The following QSER1 variants were observed in gnomAD, a reference collection of about 807,000 sequenced individuals.
The protein encoded by QSER1 is glutamine and serine-rich protein 1.
In QSER1, 49 loss-of-function variants were observed where a neutral mutation model predicts 158.5. That is an observed-to-expected ratio of 0.31 (90% CI 0.25 to 0.39). The LOEUF (loss-of-function observed/expected upper bound fraction) is 0.39, where lower values mean the gene tolerates loss of function less well. QSER1 is among the 10% of genes least tolerant of loss of function. The pLI, the probability that QSER1 is intolerant of heterozygous loss-of-function variation, is 1.00. For missense variants in QSER1, 1,754 were observed against 2,010.3 expected, an observed-to-expected ratio of 0.87 and a Z score of 2.44; for synonymous variants, 650 against 715.5, an observed-to-expected ratio of 0.91 and a Z score of 1.46.
At chr11:32,964,545 C>T (rs913013065) in intron 8 of QSER1, among the ~76,000 whole-genome samples, 1 of 151,802 alleles carries the variant, frequency 6.6e-6, no homozygotes, top group Non-Finnish European at 1.5e-5. Context: ...GGTACAGTTA[C>T]TTTAACAGCT....
In QSER1 at chr11:32,893,862, G is replaced by T. The variant is rs1398627963; in HGVS notation, c.209+528G>T. ...GGCTGGGCTACGGGAGAATCCCCGG[G>T]GCGCAGGGCAGAAGAGGGGGCCCGG... On this transcript the variant is annotated intron_variant, in intron 1 of 12. Coordinates refer to ENST00000650167, the MANE Select transcript of QSER1 (RefSeq NM_001076786.3). The surrounding 1 kb of genome is among the most constrained non-coding windows in gnomAD (Gnocchi z 4.7). Among the ~76,000 whole-genome samples, 1 of 152,198 alleles carries T rather than the reference G, an allele frequency of 6.6e-6. No homozygotes were observed. The highest frequency in any genetic ancestry group is 1.5e-5 in the Non-Finnish European group (1 of 68,032).
intron 11 of QSER1, among the ~76,000 whole-genome samples, chr11:32,974,513 A>C (rs888340085): frequency 6.6e-6 from 1 of 152,204 alleles, no homozygotes; most frequent in Non-Finnish European, 1.5e-5. Flanking sequence ...TGTTTGTAAG[A>C]GCAATCCAAT....
chr11:32,901,162 G>A (rs1851620280), intron 1 of QSER1, among the ~76,000 whole-genome samples: 1 of 152,154 alleles, frequency 6.6e-6, no homozygotes, highest in African/African-American at 2.4e-5. Context: ...CTGTGCCTCA[G>A]TTTCCTTATG....
At chr11:32,964,657 A>G (rs1350561231) in intron 8 of QSER1, among the ~76,000 whole-genome samples, 1 of 145,440 alleles carries the variant, frequency 6.9e-6, no homozygotes, top group Admixed American at 7.0e-5. Context: ...TGAGGCTGAG[A>G]GTTCAAGACC....
intron 8 of QSER1, among the ~76,000 whole-genome samples, chr11:32,962,859 A>G (rs1406935859): frequency 6.6e-6 from 1 of 152,174 alleles, no homozygotes; most frequent in Non-Finnish European, 1.5e-5. Context: ...CTCTTAATTT[A>G]TTTTTAAGAA....
Position 32,934,076 on chromosome 11 carries a change from A to G in QSER1, c.2818A>G (p.Thr940Ala), listed in dbSNP as rs751733643. 1 of 1,614,004 alleles carries G rather than the reference A, an allele frequency of 6.2e-7. No homozygotes were observed. ...AAAACCATTACAACAACATCTAACA[A>G]CAAAGGGCCATTTTAGTGAAACAAA... ...SSKPLQQHLT[T>A]KGHFSETNQH... The change falls in exon 4 of 13, where the codon ACA (threonine) becomes GCA (alanine). Residue 940 changes from threonine to alanine, a missense_variant. Physicochemically the swap from Thr to Ala is moderately conservative, Grantham distance 58. Around this residue, in one of 2 missense-constraint regions of QSER1, gnomAD observed 1,707 missense variants for 1,919.6 expected, o/e 0.89. Transcript: ENST00000650167.
chr11:32,914,637 C>T (rs911302460), intron 1 of QSER1, among the ~76,000 whole-genome samples: 1 of 152,094 alleles, frequency 6.6e-6, no homozygotes, highest in Non-Finnish European at 1.5e-5. Context: ...ATTTCTTAAG[C>T]ATCATAAACA....
rs1345511610 is a variant in QSER1 at position 32,906,114 on chromosome 11, T to TG, written c.209+12780_209+12781insG. 2.6e-5 allele frequency among the ~76,000 whole-genome samples: 4 copies of TG among 151,392 alleles called. No individual in the cohort carries two copies. The East Asian group carries it at 7.7e-4, about 29-fold the overall frequency. On this transcript the variant is annotated intron_variant, in intron 1 of 12. Coordinates refer to ENST00000650167, the MANE Select transcript of QSER1 (RefSeq NM_001076786.3). ...AAAGACTATTTTTTAGTTTTTTTTT[T>TG]TTTTTTTTTTAAGTTAAAAAAATTT...
At chr11:32,954,209 C>A in intron 5 of QSER1, 30 bp downstream of exon 5, 1 of 1,587,358 alleles carries the variant, frequency 6.3e-7, no homozygotes, top group South Asian at 1.1e-5. Flanking sequence ...GTGTAAAGGT[C>A]ATAGTTTAGT....
intron 1 of QSER1, among the ~76,000 whole-genome samples, chr11:32,925,502 ATTTATTTAT>A (rs1210712905): frequency 1.0e-5 from 1 of 99,318 alleles, no homozygotes; most frequent in Non-Finnish European, 2.3e-5. Context: ...TTTTTTATTT[ATTTATTTAT>A]TTATTTATTT....
chr11:32,935,487 G>C lies in QSER1; in HGVS notation c.4177+52G>C, dbSNP rs979560260. 3.8e-6 allele frequency: 5 copies of C among 1,328,878 alleles called. No homozygotes were observed. The African/African-American group carries it at 5.9e-5, about 16-fold the overall frequency. The allele number at this position is 1,328,878 out of a possible 1,614,324, so 82.3% of individuals were successfully genotyped here. ...ATTATTACTTTCTTCTATTTTTCCA[G>C]CTATAGCCCACATTTTAAGCTTTTT... On this transcript the variant is annotated intron_variant, in intron 4 of 12. Coordinates refer to ENST00000650167, the MANE Select transcript of QSER1 (RefSeq NM_001076786.3).
chr11:32,948,518 A>G (rs1160849685), intron 4 of QSER1, among the ~76,000 whole-genome samples: 2 of 152,188 alleles, frequency 1.3e-5, no homozygotes, highest in Non-Finnish European at 2.9e-5. Flanking sequence ...CGTCCTAGCT[A>G]ATGTGGAGCC....
At chr11:32,961,049 C>T (rs1043545644) in intron 8 of QSER1, among the ~76,000 whole-genome samples, 6 of 152,076 alleles carry the variant, frequency 3.9e-5, no homozygotes, top group Non-Finnish European at 5.9e-5. Context: ...GAACCCATTA[C>T]TTATTAATGT....
intron 1 of QSER1, among the ~76,000 whole-genome samples, chr11:32,906,194 G>A (rs542672900): frequency 2.4e-4 from 37 of 151,072 alleles, no homozygotes; most frequent in Non-Finnish European, 5.0e-4. Context: ...AGGCTGAGGC[G>A]GGTGGATCAC....
At chr11:32,973,066 G>A (rs901865666) in intron 10 of QSER1, among the ~76,000 whole-genome samples, 2 of 152,234 alleles carry the variant, frequency 1.3e-5, no homozygotes, top group Non-Finnish European at 2.9e-5. Context: ...TCTTGGCCCT[G>A]TTAAGGGTTC....
At chr11:32,950,698 A>G (rs1028417656) in intron 4 of QSER1, among the ~76,000 whole-genome samples, 7 of 152,170 alleles carry the variant, frequency 4.6e-5, no homozygotes, top group African/African-American at 1.7e-4. Flanking sequence ...ACACCCAGCT[A>G]TAGGCAACCA....
At chr11:32,966,233 A>AT (rs1412779125) in intron 8 of QSER1, 67 bp from the exon 9 acceptor site, 18 of 1,534,544 alleles carry the variant, frequency 1.2e-5, no homozygotes, top group Middle Eastern at 1.7e-4. Context: ...GGGTCTCGTT[A>AT]TAGAGAAAAG....
intron 1 of QSER1, among the ~76,000 whole-genome samples, chr11:32,923,695 C>T (rs1047529647): frequency 6.9e-6 from 1 of 145,660 alleles, no homozygotes; most frequent in Non-Finnish European, 1.5e-5. Context: ...AAAGGCCGGG[C>T]ACGGTGGCTC....
chr11:32,902,477 G>A (rs1273983928), intron 1 of QSER1, among the ~76,000 whole-genome samples: 1 of 152,218 alleles, frequency 6.6e-6, no homozygotes, highest in Non-Finnish European at 1.5e-5. Flanking sequence ...GATCTTGTCA[G>A]TGTTGGCTTC....
Sources: gnomAD v4.1 joint callset for allele counts (sites outside exome capture counted in the v4.1 genomes callset) on GRCh38, gnomAD v4.1.1 for gene constraint, gnomAD v4.1.1 regional missense constraint, Gnocchi (gnomAD v3.1) non-coding constraint, MANE v1.5 for transcripts, NCBI Gene and HGNC (gene_info 2026-07-23, HGNC 2026-07-21) for gene names.